The following SLC11A2 variants were observed in gnomAD, a reference collection of about 807,000 sequenced individuals.
SLC11A2 encodes the protein solute carrier family 11 member 2, also known as natural resistance-associated macrophage protein 2.
A neutral mutation model predicts 68.0 loss-of-function variants in SLC11A2; 38 were observed. That is an observed-to-expected ratio of 0.56 (90% confidence interval 0.43 to 0.73). SLC11A2 has a LOEUF of 0.73. SLC11A2 is among the 30% of genes least tolerant of loss of function. The pLI is 0.00. For synonymous variants in SLC11A2, 242 were observed against 250.6 expected (o/e 0.97, Z 0.32); for missense variants, 517 against 690.5 (o/e 0.75, Z 2.82).
At chr12:51,010,529 A>AT (rs397974970) in intron 2 of SLC11A2, among the ~76,000 whole-genome samples, 166 bp downstream of exon 2, 1 of 150,864 alleles carries the variant, frequency 6.6e-6, no homozygotes, top group African/African-American at 2.4e-5. Context: ...AAAAAAAAAA[A>AT]TCCATTTTCA....
At chr12:50,973,467 C>T in the SLC11A2 span, among the ~76,000 whole-genome samples, 1 of 152,096 alleles carries the variant, frequency 6.6e-6, no homozygotes, top group Non-Finnish European at 1.5e-5. Context: ...ACAGAGAGGA[C>T]ATCCACACCA....
chr12:51,026,140 CTG>C, intron 1 of SLC11A2, 168 bp downstream of exon 1: 1 of 1,153,502 alleles, frequency 8.7e-7, no homozygotes, highest in Non-Finnish European at 1.1e-6. Flanking sequence ...GTCCTGGACT[CTG>C]GGCCTGAGGC....
chr12:51,005,443 A>C lies in SLC11A2; in HGVS notation c.184-7T>G, dbSNP rs1942639209. 6.2e-7 allele frequency: 1 copy of C among 1,613,334 alleles called. No homozygotes were observed. The highest frequency in any genetic ancestry group is 1.7e-5 in the Admixed American group (1 of 59,970). ...GAAAGCTAAAACAAGAGTACTGTAC[A>C]AGAGAGGAAAAGAGATTAAACTGAA... On this transcript the variant is annotated splice_region_variant and splice_polypyrimidine_tract_variant and intron_variant, in intron 3 of 15. Coordinates refer to ENST00000262052, the MANE Select transcript of SLC11A2 (RefSeq NM_000617.3).
intron 3 of SLC11A2, among the ~76,000 whole-genome samples, chr12:51,007,844 T>C (rs1942859932): frequency 6.6e-6 from 1 of 152,058 alleles, no homozygotes; most frequent in Non-Finnish European, 1.5e-5. Flanking sequence ...TTTCGCCATA[T>C]TGGCCAGGCG....
chr12:50,994,984 G>A, intron 10 of SLC11A2: 1 of 320,176 alleles, frequency 3.1e-6, no homozygotes, highest in Non-Finnish European at 6.0e-6. Context: ...AGGAGTCAGA[G>A]GTTCCATAGA....
rs1335176445 is a variant in SLC11A2, at chr12:50,986,448, T to C, written c.*1877A>G. 1 of 1,285,444 alleles carries C rather than the reference T, an allele frequency of 7.8e-7. No individual in the cohort carries two copies. The allele number at this position is 1,285,444 out of a possible 1,614,324, so 79.6% of individuals were successfully genotyped here. A position where few individuals can be genotyped will look rare whatever the true frequency, so the allele number is the denominator to read the frequency against. On this transcript the variant is annotated 3_prime_UTR_variant, in exon 16 of 16. Transcript: ENST00000262052. ...GTTTTCTATCATTGCAAGTCATAAA[T>C]ATAACTTTTAAAAGAATACTAGCAG...
In SLC11A2 at chr12:51,005,445, G is replaced by T. The variant is rs1224448695; in HGVS notation, c.184-9C>A. On this transcript the variant is annotated splice_polypyrimidine_tract_variant and intron_variant, in intron 3 of 15. Coordinates refer to ENST00000262052, the MANE Select transcript of SLC11A2 (RefSeq NM_000617.3). ...AAGCTAAAACAAGAGTACTGTACAAGAGAGGAAAAGAGATTAAACTGAACA... is the reference window on the plus strand; with the variant it reads ...AAGCTAAAACAAGAGTACTGTACAATAGAGGAAAAGAGATTAAACTGAACA... 6.2e-7 allele frequency: 1 copy of T among 1,613,358 alleles called. No individual in the cohort carries two copies. The highest frequency in any genetic ancestry group is 8.5e-7 in the Non-Finnish European group (1 of 1,179,570).
chr12:50,990,579 TTC>T (rs1941050560), intron 15 of SLC11A2: 1 of 554,800 alleles, frequency 1.8e-6, no homozygotes, highest in Admixed American at 3.2e-5. Flanking sequence ...GTCTGTTCAT[TTC>T]TCTTTTTTTG....
chr12:51,014,901 C>T (rs1943511793), intron 1 of SLC11A2, among the ~76,000 whole-genome samples: 1 of 151,936 alleles, frequency 6.6e-6, no homozygotes, highest in African/African-American at 2.4e-5. Context: ...TGGCTCACGC[C>T]TGTAATCTCA....
chr12:51,016,351 A>G (rs1033042280), intron 1 of SLC11A2, among the ~76,000 whole-genome samples: 2 of 151,824 alleles, frequency 1.3e-5, no homozygotes, highest in Admixed American at 6.6e-5. Context: ...GTTCGAGACC[A>G]GCCTGGCCAA....
chr12:50,999,237 CA>C lies in SLC11A2; in HGVS notation c.611del (p.Leu204CysfsTer4). 1 of 1,614,124 alleles carries C rather than the reference CA, an allele frequency of 6.2e-7. No individual in the cohort carries two copies. Among genetic ancestry groups the C allele is most frequent in the Non-Finnish European group, 8.5e-7 (1 of 1,180,002 alleles). ...AGCCAAAAAATGCTTCTAGCTTCCGCAAGCCTAAAGGAAAAAAGGCAGCAGT... is the reference window on the plus strand; with the variant it reads ...AGCCAAAAAATGCTTCTAGCTTCCGCAGCCTAAAGGAAAAAAGGCAGCAGT... ...FVFLFLDKYG[L>X]RKLEAFFGFL... On this transcript the variant is annotated frameshift_variant, in exon 8 of 16. Transcript: ENST00000262052. LOFTEE classifies it high-confidence loss of function.
chr12:50,978,504 A>AG (rs1255688831), downstream of SLC11A2, among the ~76,000 whole-genome samples: 2 of 72,964 alleles, frequency 2.7e-5, no homozygotes, highest in African/African-American at 1.1e-4. Flanking sequence ...GGGTGGGGGG[A>AG]GGGGGGAGGG....
At chr12:50,997,986 CA>C (rs35033972) in intron 8 of SLC11A2, among the ~76,000 whole-genome samples, 120,750 of 136,764 alleles carry the variant, frequency 0.88, 53,367 homozygotes, top group East Asian at 0.98. Flanking sequence ...GACTCCATCT[CA>C]AAAAAAAAAA....
chr12:50,971,262 C>T, the SLC11A2 span, among the ~76,000 whole-genome samples: 1 of 149,300 alleles, frequency 6.7e-6, no homozygotes, highest in Non-Finnish European at 1.5e-5. Context: ...ATTACGGTTT[C>T]ATAAACTCCT....
In SLC11A2 at chr12:50,986,004, ATT is replaced by A; in HGVS notation, c.*2319_*2320del. ...CCAGGAAACCAAATTGGAAAAAGAAATTTTTTTTTAATTAGAAACCAAGTTTA... is the reference window on the plus strand; with the variant it reads ...CCAGGAAACCAAATTGGAAAAAGAAATTTTTTTAATTAGAAACCAAGTTTA... On this transcript the variant is annotated 3_prime_UTR_variant, in exon 16 of 16. Transcript: ENST00000262052. 1 of 1,155,926 alleles carries A rather than the reference ATT, an allele frequency of 8.7e-7. No individual in the cohort carries two copies. The highest frequency in any genetic ancestry group is 1.8e-5 in the South Asian group (1 of 57,090). 71.6% of individuals were successfully genotyped at this position (1,155,926 alleles called of 1,614,324 possible). A position where few individuals can be genotyped will look rare whatever the true frequency, so the allele number is the denominator to read the frequency against.
intron 1 of SLC11A2, among the ~76,000 whole-genome samples, chr12:51,017,802 T>C (rs1026547865): frequency 7.2e-5 from 11 of 152,084 alleles, no homozygotes; most frequent in Admixed American, 1.3e-4. Context: ...AAATGCAAAA[T>C]ATTAAAAATC....
intron 1 of SLC11A2, among the ~76,000 whole-genome samples, chr12:51,019,391 A>ACAAC (rs1278435130): frequency 2.6e-5 from 4 of 152,220 alleles, no homozygotes; most frequent in Admixed American, 6.5e-5. Context: ...TATTATTAAC[A>ACAAC]CAACACCTTG....
chr12:50,981,966 T>C (rs1940061668), downstream of SLC11A2, among the ~76,000 whole-genome samples: 1 of 152,234 alleles, frequency 6.6e-6, no homozygotes, highest in Non-Finnish European at 1.5e-5. Context: ...CATACATGAA[T>C]GGCTTCTGAT....
At chr12:50,968,969 A>C in the SLC11A2 span, among the ~76,000 whole-genome samples, 2 of 152,090 alleles carry the variant, frequency 1.3e-5, no homozygotes, top group African/African-American at 4.8e-5. Context: ...ATGAGCCCCC[A>C]CCACGCACCG....
Sources: allele counts gnomAD v4.1 joint callset (sites outside exome capture counted in the v4.1 genomes callset), GRCh38; gene constraint gnomAD v4.1.1; transcripts MANE v1.5; gene names NCBI Gene and HGNC (gene_info 2026-07-23, HGNC 2026-07-21).